TTC28: variants seen among roughly 807,000 people sequenced by gnomAD.
The protein encoded by TTC28 is tetratricopeptide repeat protein 28.
TTC28 carries 61 observed loss-of-function variants against 198.0 expected under a neutral mutation model. The observed-to-expected ratio is 0.31, with a 90% CI of 0.25 to 0.38. TTC28 has a LOEUF of 0.38. TTC28 is among the 10% of genes least tolerant of loss of function. The probability of loss-of-function intolerance (pLI) is 1.00; values close to 1 mark genes in which losing one functional copy is unlikely to be tolerated. For missense variants in TTC28, 2,678 were observed against 3,164.0 expected, an observed-to-expected ratio of 0.85 and a Z score of 3.69; for synonymous variants, 1,171 against 1,297.8, an observed-to-expected ratio of 0.90 and a Z score of 2.10.
At chr22:28,585,252 T>C (rs956167971) in intron 2 of TTC28, among the ~76,000 whole-genome samples, 1 of 152,186 alleles carries the variant, frequency 6.6e-6, no homozygotes, top group Non-Finnish European at 1.5e-5. Context: ...TAATATATAA[T>C]TAAATAATTA....
intron 6 of TTC28, among the ~76,000 whole-genome samples, chr22:28,134,476 T>C (rs929670188): frequency 6.6e-6 from 1 of 152,142 alleles, no homozygotes; most frequent in Non-Finnish European, 1.5e-5. Context: ...ATTAGACGAA[T>C]GGCTAACTAG....
chr22:28,049,280 T>TTA (rs1939986497), intron 12 of TTC28, among the ~76,000 whole-genome samples: 1 of 152,122 alleles, frequency 6.6e-6, no homozygotes, highest in South Asian at 2.1e-4. Context: ...AATCCCACCA[T>TTA]ACAGGTTAAC....
chr22:28,124,722 C>T (rs975786631), intron 6 of TTC28, among the ~76,000 whole-genome samples: 4 of 152,198 alleles, frequency 2.6e-5, no homozygotes, highest in Admixed American at 6.5e-5. Context: ...TAGGGAGACA[C>T]TATCTATGTC....
chr22:28,601,779 C>A (rs889631681), intron 2 of TTC28, among the ~76,000 whole-genome samples: 9 of 140,256 alleles, frequency 6.4e-5, no homozygotes, highest in African/African-American at 2.5e-4. Context: ...AAACCCTAGA[C>A]ACACACACAC....
chr22:28,054,362 C>T (rs1457254148), intron 12 of TTC28, among the ~76,000 whole-genome samples: 1 of 152,186 alleles, frequency 6.6e-6, no homozygotes, highest in Non-Finnish European at 1.5e-5. Flanking sequence ...GTCATGTCAG[C>T]TGGCTGCTAT....
chr22:28,236,647 A>G (rs747472499), intron 5 of TTC28, among the ~76,000 whole-genome samples: 21 of 152,230 alleles, frequency 1.4e-4, no homozygotes, highest in Non-Finnish European at 2.4e-4. Flanking sequence ...ATGTTAGTGG[A>G]AATAGAGTTT....
rs1469428594 is a variant in TTC28 at position 27,989,934 on chromosome 22, G to C, written c.5651C>G (p.Ser1884Cys). 2.6e-6 allele frequency: 4 copies of C among 1,551,498 alleles called. No homozygotes were observed. Among genetic ancestry groups the C allele is most frequent in the African/African-American group, 2.7e-5 (2 of 73,190 alleles). The change falls in exon 21 of 23, where the codon TCC becomes TGC. Residue 1884 changes from serine to cysteine, a missense_variant. Around this residue, in one of 8 missense-constraint regions of TTC28, gnomAD observed 314 missense variants for 442.7 expected, o/e 0.71. Coordinates refer to ENST00000397906, the MANE Select transcript of TTC28 (RefSeq NM_001145418.2). ...QDLASAPIQV[S>C]ISVQLWRLPG... ...GAGCCGCCACAGCTGGACGCTGATG[G>C]AGACCTGAATGGGAGCTGATGCCAA... is the stretch of plus-strand genomic sequence containing the variant.
intron 13 of TTC28, chr22:28,028,792 C>CTAAGTG (rs1443756984): frequency 8.9e-6 from 3 of 335,906 alleles, no homozygotes; most frequent in African/African-American, 2.2e-5. Flanking sequence ...CAGTGCCTTC[C>CTAAGTG]ACACATTAAG....
At chr22:28,585,893 G>T (rs2050308193) in intron 2 of TTC28, among the ~76,000 whole-genome samples, 1 of 151,976 alleles carries the variant, frequency 6.6e-6, no homozygotes, top group Middle Eastern at 3.4e-3. Context: ...GGATTGATGG[G>T]TTCAGCAAAC....
At chr22:28,129,893 G>A (rs913847234) in intron 6 of TTC28, among the ~76,000 whole-genome samples, 7 of 152,164 alleles carry the variant, frequency 4.6e-5, no homozygotes, top group Admixed American at 4.6e-4. Flanking sequence ...GAGGCCAAGG[G>A]AGAGTCTGAA....
intron 6 of TTC28, among the ~76,000 whole-genome samples, chr22:28,145,387 G>A (rs1943446648): frequency 1.3e-5 from 2 of 152,214 alleles, no homozygotes; most frequent in South Asian, 4.2e-4. Context: ...CAGCCGTCTT[G>A]GCACCACAAA....
intron 6 of TTC28, among the ~76,000 whole-genome samples, chr22:28,145,735 C>T (rs1943454160): frequency 6.6e-6 from 1 of 152,158 alleles, no homozygotes; most frequent in South Asian, 2.1e-4. Context: ...TTTCACCTTT[C>T]TTTTAGCACT....
chr22:28,571,956 A>C (rs2050067157), intron 2 of TTC28, among the ~76,000 whole-genome samples: 1 of 151,622 alleles, frequency 6.6e-6, no homozygotes, highest in East Asian at 1.9e-4. Flanking sequence ...TTTCAAAAAA[A>C]AAAAAAAAAA....
intron 5 of TTC28, among the ~76,000 whole-genome samples, chr22:28,265,366 C>T (rs1042232136): frequency 1.3e-5 from 2 of 152,114 alleles, no homozygotes; most frequent in African/African-American, 4.8e-5. Flanking sequence ...TTACTCCCAA[C>T]CAGTCTTTGT....
intron 2 of TTC28, chr22:28,459,870 G>A (rs559892395): frequency 6.6e-6 from 1 of 152,188 alleles, no homozygotes; most frequent in Admixed American, 6.5e-5. Context: ...ACACTCCAGG[G>A]TTGGCTATAA....
chr22:28,523,546 G>A (rs2048948649), intron 2 of TTC28, among the ~76,000 whole-genome samples: 1 of 152,106 alleles, frequency 6.6e-6, no homozygotes, highest in Non-Finnish European at 1.5e-5. Flanking sequence ...AGGTGGAGAC[G>A]AGGAAAAAAC....
intron 2 of TTC28, among the ~76,000 whole-genome samples, chr22:28,590,588 T>C (rs1236467682): frequency 2.6e-5 from 4 of 151,880 alleles, no homozygotes; most frequent in African/African-American, 9.7e-5. Context: ...CACCCATCTC[T>C]ACAAAACAAA....
intron 12 of TTC28, among the ~76,000 whole-genome samples, chr22:28,043,612 G>A (rs1337296434): frequency 6.6e-6 from 1 of 151,810 alleles, no homozygotes; most frequent in Non-Finnish European, 1.5e-5. Context: ...CACAGCCCAG[G>A]GGTTCCCACA....
chr22:28,254,326 G>A (rs1930733910), intron 5 of TTC28, among the ~76,000 whole-genome samples: 1 of 151,920 alleles, frequency 6.6e-6, no homozygotes, highest in Non-Finnish European at 1.5e-5. Context: ...AAACCACAAT[G>A]GAAAAGAACA....
Sources: allele counts gnomAD v4.1 joint callset (sites outside exome capture counted in the v4.1 genomes callset), GRCh38; gene constraint gnomAD v4.1.1; regional missense constraint gnomAD v4.1.1; transcripts MANE v1.5; gene names NCBI Gene and HGNC (gene_info 2026-07-23, HGNC 2026-07-21).